Variants in FGF14 observed in about 807,000 individuals in gnomAD.
FGF14 encodes the protein fibroblast growth factor 14.
FGF14 carries 5 observed loss-of-function variants against 25.5 expected under a neutral mutation model. That is an observed-to-expected ratio of 0.20 (90% confidence interval 0.10 to 0.41). FGF14 has a LOEUF of 0.41. Ranked by LOEUF, FGF14 falls within the 10% of genes least tolerant of loss-of-function variation. The probability of loss-of-function intolerance (pLI) is 1.00; values close to 1 mark genes in which losing one functional copy is unlikely to be tolerated. For missense variants in FGF14, 222 were observed against 320.1 expected (o/e 0.69, Z 2.34); for synonymous variants, 138 against 118.3 (o/e 1.17, Z -1.08).
At chr13:102,371,621 A>C (rs560074104) in intron 1 of FGF14, among the ~76,000 whole-genome samples, 1 of 152,254 alleles carries the variant, frequency 6.6e-6, no homozygotes, top group Non-Finnish European at 1.5e-5. Flanking sequence ...CTCCACATGG[A>C]CAGAGATTTG....
chr13:101,900,515 A>G (rs942449734), intron 1 of FGF14, among the ~76,000 whole-genome samples: 3 of 152,224 alleles, frequency 2.0e-5, no homozygotes, highest in African/African-American at 2.4e-5. Flanking sequence ...ATGAACTACT[A>G]GCAGAGATAA....
intron 3 of FGF14, among the ~76,000 whole-genome samples, chr13:101,788,029 G>A (rs371535352): frequency 2.0e-4 from 30 of 152,050 alleles, no homozygotes; most frequent in Admixed American, 4.6e-4. Flanking sequence ...GTGGCACTAC[G>A]CCCAGCTAAT....
chr13:101,981,096 C>CACACACACAG (rs2038227815), intron 1 of FGF14, among the ~76,000 whole-genome samples: 1 of 149,384 alleles, frequency 6.7e-6, no homozygotes, highest in Non-Finnish European at 1.5e-5. Flanking sequence ...CACACACACA[C>CACACACACAG]ACACACACAC....
At chr13:102,314,093 G>A (rs1421440114) in intron 1 of FGF14, among the ~76,000 whole-genome samples, 7 of 139,724 alleles carry the variant, frequency 5.0e-5, no homozygotes, top group Non-Finnish European at 7.9e-5. Flanking sequence ...GAGGCATTAC[G>A]TATTGAAAAA....
Position 102,164,115 on chromosome 13 carries a change from C to A in FGF14, c.208+237356G>T, listed in dbSNP as rs531244330. ...TAGAAGTTTTCAGAGGCTGATAAATCAGCCAAGGTCCTGGAATAACAGAGC... is the reference window on the plus strand; with the variant it reads ...TAGAAGTTTTCAGAGGCTGATAAATAAGCCAAGGTCCTGGAATAACAGAGC... On this transcript the variant is annotated intron_variant, in intron 1 of 4. Coordinates refer to the FGF14 transcript ENST00000376131. Among the ~76,000 whole-genome samples, 104 of 152,218 alleles carry A rather than the reference C, an allele frequency of 6.8e-4. 1 individual carries two copies. The South Asian group carries it at 8.9e-3, about 13-fold the overall frequency.
At chr13:102,287,739 C>A (rs761566266) in intron 1 of FGF14, among the ~76,000 whole-genome samples, 13 of 152,122 alleles carry the variant, frequency 8.5e-5, no homozygotes, top group Non-Finnish European at 1.9e-4. Flanking sequence ...AATATTATTC[C>A]ATTTACTTCC....
At chr13:102,082,310 TA>T (rs150745934) in intron 1 of FGF14, among the ~76,000 whole-genome samples, 2 of 151,202 alleles carry the variant, frequency 1.3e-5, no homozygotes. Context: ...CTTAGCATTA[TA>T]AAAAAAACTC....
At chr13:102,227,999 G>T (rs1191428213) in intron 1 of FGF14, among the ~76,000 whole-genome samples, 2 of 152,136 alleles carry the variant, frequency 1.3e-5, no homozygotes, top group Non-Finnish European at 2.9e-5. Flanking sequence ...CTCTGCATAT[G>T]ATACTCTTCA....
At chr13:101,956,987 TG>T (rs1472444688) in intron 1 of FGF14, among the ~76,000 whole-genome samples, 8 of 152,022 alleles carry the variant, frequency 5.3e-5, no homozygotes, top group Non-Finnish European at 1.2e-4. Flanking sequence ...GAGAGAATAA[TG>T]AGACCATAGC....
chr13:102,144,944 ATTTATT>A, intron 1 of FGF14, among the ~76,000 whole-genome samples: 1 of 152,312 alleles, frequency 6.6e-6, no homozygotes, highest in African/African-American at 2.4e-5. Context: ...CCACTTATAT[ATTTATT>A]TTTAAGCAAA....
At position 101,712,801 on chromosome 13, in the gene FGF14, T is replaced by C. The variant is rs1188469520; in HGVS notation, c.*10030A>G. The stretch of plus-strand genomic sequence containing the variant: ...TTATGCCTAGAAATGTGAAAGAAAG[T>C]CTTCAAAATTAGGATAAAGAAATCT... On this transcript the variant is annotated 3_prime_UTR_variant, in exon 5 of 5. Coordinates refer to ENST00000376143, the MANE Select transcript of FGF14 (RefSeq NM_004115.4). 6.6e-6 allele frequency: 1 copy of C among 152,100 alleles called. No individual in the cohort carries two copies. The highest frequency in any genetic ancestry group is 1.9e-4 in the East Asian group (1 of 5,176). The allele number at this position is 152,100 out of a possible 1,614,324, so 9.4% of individuals were successfully genotyped here.
chr13:102,065,012 T>C lies in FGF14; in HGVS notation c.209-189716A>G, dbSNP rs186948670. The stretch of plus-strand genomic sequence containing the variant: ...TATCATAAATATCAGATATATAATA[T>C]AATGTCACTCTCTTTTCCACATGAA... On this transcript the variant is annotated intron_variant, in intron 1 of 4. Transcript: ENST00000376131. Among the ~76,000 whole-genome samples, 6 of 152,108 alleles carry C rather than the reference T, an allele frequency of 3.9e-5. No homozygotes were observed. In the East Asian group the frequency reaches 5.8e-4, roughly 15 times the overall value.
intron 1 of FGF14, among the ~76,000 whole-genome samples, chr13:102,348,876 T>C (rs1434212582): frequency 8.5e-5 from 13 of 152,198 alleles, no homozygotes; most frequent in Admixed American, 8.5e-4. Context: ...CTCGTTTGCA[T>C]GCCTTTAGCA....
At chr13:101,749,635 G>C (rs2037143724) in intron 3 of FGF14, among the ~76,000 whole-genome samples, 1 of 152,022 alleles carries the variant, frequency 6.6e-6, no homozygotes, top group South Asian at 2.1e-4. Flanking sequence ...AGACACGTTT[G>C]ACTTTTTGTC....
chr13:102,052,798 AAAG>A (rs1416756008), intron 1 of FGF14, among the ~76,000 whole-genome samples: 3 of 152,158 alleles, frequency 2.0e-5, no homozygotes, highest in Admixed American at 6.5e-5. Context: ...TCTCAAGCTG[AAAG>A]AAGAAGATGC....
intron 1 of FGF14, among the ~76,000 whole-genome samples, chr13:101,907,352 C>T (rs971424757): frequency 9.2e-5 from 14 of 152,170 alleles, no homozygotes; most frequent in South Asian, 2.1e-4. Context: ...CCAAATATAT[C>T]GTCACTATAA....
chr13:101,979,032 C>A (rs1431258224), intron 1 of FGF14, among the ~76,000 whole-genome samples: 1 of 152,178 alleles, frequency 6.6e-6, no homozygotes, highest in Admixed American at 6.5e-5. Context: ...ACCTTAAACC[C>A]TTTCCCTAAG....
intron 1 of FGF14, among the ~76,000 whole-genome samples, chr13:101,932,832 A>T (rs1405947914): frequency 6.6e-6 from 1 of 151,830 alleles, no homozygotes; most frequent in Non-Finnish European, 1.5e-5. Flanking sequence ...AGGCCAAGAT[A>T]TATTTGGCTT....
chr13:102,186,230 A>G (rs2048869419), intron 1 of FGF14, among the ~76,000 whole-genome samples: 2 of 152,176 alleles, frequency 1.3e-5, no homozygotes, highest in Non-Finnish European at 1.5e-5. Flanking sequence ...GGTAACAGAA[A>G]TATTTTCTCT....
Sources: gnomAD v4.1 joint callset for allele counts (sites outside exome capture counted in the v4.1 genomes callset) on GRCh38, gnomAD v4.1.1 for gene constraint, MANE v1.5 for transcripts, NCBI Gene and HGNC (gene_info 2026-07-23, HGNC 2026-07-21) for gene names.